DOT1L: variants seen among roughly 807,000 people sequenced by gnomAD.
DOT1L encodes histone-lysine N-methyltransferase, H3 lysine-79 specific.
A neutral mutation model predicts 153.3 loss-of-function variants in DOT1L; 33 were observed. That is an observed-to-expected ratio of 0.22 (90% confidence interval 0.16 to 0.29). DOT1L has a LOEUF of 0.29. DOT1L is among the 10% of genes least tolerant of loss of function. The pLI, the probability that DOT1L is intolerant of heterozygous loss-of-function variation, is 1.00. For missense variants in DOT1L, 1,847 were observed against 2,119.9 expected (o/e 0.87, Z 2.53); for synonymous variants, 1,135 against 965.1 (o/e 1.18, Z -3.26).
intron 27 of DOT1L, 81 bp from the exon 28 acceptor site, chr19:2,229,704 G>C: frequency 6.2e-7 from 1 of 1,609,112 alleles, no homozygotes. Flanking sequence ...GGAGGCCTCG[G>C]TCCCCAGCCT....
In DOT1L at chr19:2,207,468, C is replaced by T. The variant is rs1053362280; in HGVS notation, c.857-106C>T. On this transcript the variant is annotated intron_variant, in intron 10 of 27. Coordinates refer to ENST00000398665, the MANE Select transcript of DOT1L (RefSeq NM_032482.3). This position sits in a 1 kb window ranked among gnomAD's most constrained non-coding sequence, Gnocchi z 4.5. The stretch of plus-strand genomic sequence containing the variant: ...ACGCAGTGTGGGAGAAGAGGGAAGA[C>T]GCGCAGCTCAGGCTTCTGTCCCCAC... 36 of 905,498 alleles carry T rather than the reference C, an allele frequency of 4.0e-5. No homozygotes were observed. The highest frequency in any genetic ancestry group is 2.5e-4 in the East Asian group (10 of 39,226). 56.1% of individuals were successfully genotyped at this position (905,498 alleles called of 1,614,324 possible).
chr19:2,188,950 A>G (rs1234035807), intron 3 of DOT1L, among the ~76,000 whole-genome samples: 2 of 152,152 alleles, frequency 1.3e-5, no homozygotes, highest in Non-Finnish European at 2.9e-5. Flanking sequence ...CCTGGAGCAC[A>G]GGTGCCCCCT....
Position 2,223,135 on chromosome 19 carries a change from A to C in DOT1L, c.3391-146A>C, listed in dbSNP as rs571280086. The C allele has an allele frequency of 7.5e-4, 590 of 782,142 alleles. 2 individuals carry two copies. The African/African-American group carries it at 9.0e-3, about 12-fold the overall frequency. The allele number at this position is 782,142 out of a possible 1,614,324, so 48.5% of individuals were successfully genotyped here. On this transcript the variant is annotated intron_variant, in intron 24 of 27. Transcript: ENST00000398665. ...TGTGAGGACCAGGAAGAACCAGGAC[A>C]GGGGCTGTACTGGCCGCTGGGCAGG... is the stretch of plus-strand genomic sequence containing the variant.
intron 1 of DOT1L, among the ~76,000 whole-genome samples, chr19:2,176,803 C>A (rs1302474687): frequency 6.6e-6 from 1 of 152,224 alleles, no homozygotes; most frequent in East Asian, 1.9e-4. Flanking sequence ...GAGGCAGGGC[C>A]CTCTGTCAGA....
At chr19:2,189,495 G>A (rs1037800512) in intron 3 of DOT1L, among the ~76,000 whole-genome samples, 2 of 152,218 alleles carry the variant, frequency 1.3e-5, no homozygotes, top group African/African-American at 4.8e-5. Context: ...CTGCCTCAGG[G>A]CTCAGTGCTT....
At chr19:2,201,750 T>C (rs1209905488) in intron 8 of DOT1L, among the ~76,000 whole-genome samples, 1 of 152,226 alleles carries the variant, frequency 6.6e-6, no homozygotes, top group Non-Finnish European at 1.5e-5. Context: ...TGGCGTCCCG[T>C]TGACATCTGG....
intron 27 of DOT1L, chr19:2,228,962 G>A: frequency 3.0e-6 from 3 of 985,408 alleles, no homozygotes; most frequent in Non-Finnish European, 2.4e-6. Context: ...ATGGGTTCCC[G>A]GCGGGGTCGA....
chr19:2,165,345 G>T (rs776589828), intron 1 of DOT1L, among the ~76,000 whole-genome samples: 2 of 152,192 alleles, frequency 1.3e-5, no homozygotes, highest in Non-Finnish European at 2.9e-5. Flanking sequence ...GTCAGGACGC[G>T]GAGAGCGCTG....
Position 2,230,283 on chromosome 19 carries a change from AC to A in DOT1L, c.*493del, listed in dbSNP as rs1338239904. ...GGCTCCCCCGACGCGCTGCTCCCGTACCAAAGGCAGGCCCGTCGCCACCACA... is the reference window on the plus strand; with the variant it reads ...GGCTCCCCCGACGCGCTGCTCCCGTACAAAGGCAGGCCCGTCGCCACCACA... On this transcript the variant is annotated 3_prime_UTR_variant, in exon 28 of 28. Coordinates refer to ENST00000398665, the MANE Select transcript of DOT1L (RefSeq NM_032482.3). The A allele has an allele frequency of 2.4e-5, 10 of 420,348 alleles. No homozygotes were observed. The highest frequency in any genetic ancestry group is 3.8e-5 in the Non-Finnish European group (9 of 239,722). The allele number at this position is 420,348 out of a possible 1,614,324, so 26.0% of individuals were successfully genotyped here. A position where few individuals can be genotyped will look rare whatever the true frequency, so the allele number is the denominator to read the frequency against.
At chr19:2,227,422 G>C (rs1038487934) in intron 27 of DOT1L, 1 of 640,982 alleles carries the variant, frequency 1.6e-6, no homozygotes, top group African/African-American at 1.8e-5. Context: ...TCACCTGCTA[G>C]GTGTGGCCGC....
chr19:2,230,169 C>T lies in DOT1L; in HGVS notation c.*377C>T, dbSNP rs549121544. On this transcript the variant is annotated 3_prime_UTR_variant, in exon 28 of 28. Coordinates refer to ENST00000398665, the MANE Select transcript of DOT1L (RefSeq NM_032482.3). ...GCCACAGCCTGCCCCGGTGCTATCT[C>T]GTCCCCAGGCCCGCGCCTGCCTCCA... The T allele has an allele frequency of 3.8e-4, 183 of 484,826 alleles. No individual in the cohort carries two copies. Among genetic ancestry groups the T allele is most frequent in the Admixed American group, 1.5e-3 (40 of 26,240 alleles). 30.0% of individuals were successfully genotyped at this position (484,826 alleles called of 1,614,324 possible).
rs2024085879 is a variant in DOT1L at position 2,220,722 on chromosome 19, CCTGT to C, written c.2806+505_2806+508del. ...CTTTGGCTTTTGTTGACACTGCAGG[CCTGT>C]CTGTTGTGGAAGCCGCAGAGACAGC... On this transcript the variant is annotated intron_variant, in intron 23 of 27. Transcript: ENST00000398665. This position sits in a 1 kb window ranked among gnomAD's most constrained non-coding sequence, Gnocchi z 4.5. The C allele has an allele frequency of 2.8e-6, 1 of 356,966 alleles. No homozygotes were observed. The highest frequency in any genetic ancestry group is 2.1e-5 in the South Asian group (1 of 48,274). 22.1% of individuals were successfully genotyped at this position (356,966 alleles called of 1,614,324 possible).
Position 2,217,314 on chromosome 19 carries a change from C to T in DOT1L, c.2544+224C>T, listed in dbSNP as rs893460242. Among the ~76,000 whole-genome samples, 3 of 152,146 alleles carry T rather than the reference C, an allele frequency of 2.0e-5. No individual in the cohort carries two copies. The highest frequency in any genetic ancestry group is 2.0e-4 in the Admixed American group (3 of 15,282). On this transcript the variant is annotated intron_variant, in intron 21 of 27. Transcript: ENST00000398665. The surrounding 1 kb of genome is among the most constrained non-coding windows in gnomAD (Gnocchi z 7.3). Reference sequence around the variant, plus strand: ...GAGGACATGGGGTTTGTCAGGGTGTCCCTGATGCCTCTTAGTTCTCAGTGA... The same window carrying T: ...GAGGACATGGGGTTTGTCAGGGTGTTCCTGATGCCTCTTAGTTCTCAGTGA...
chr19:2,211,959 C>T, intron 16 of DOT1L, 117 bp downstream of exon 16: 1 of 862,228 alleles, frequency 1.2e-6, no homozygotes, highest in Non-Finnish European at 1.7e-6. Context: ...TGGGCTCCCT[C>T]CTCTGCTCAC....
rs740406 is a variant in DOT1L at position 2,232,222 on chromosome 19, A to G, written c.*2430A>G. 0.14 allele frequency: 29,773 copies of G among 219,894 alleles called. 3,204 individuals are homozygous for G. The highest frequency in any genetic ancestry group is 0.31 in the African/African-American group (13,892 of 44,304). The allele number at this position is 219,894 out of a possible 1,614,324, so 13.6% of individuals were successfully genotyped here. A position where few individuals can be genotyped will look rare whatever the true frequency, so the allele number is the denominator to read the frequency against. On this transcript the variant is annotated 3_prime_UTR_variant, in exon 28 of 28. Transcript: ENST00000398665. ...CTCAGGAATTGATAGGAACCCTAAAAACTAGGATACCCCCTCCTCGGCCCA... is the reference window on the plus strand; with the variant it reads ...CTCAGGAATTGATAGGAACCCTAAAGACTAGGATACCCCCTCCTCGGCCCA...
At chr19:2,223,667 G>A (rs967377451) in intron 25 of DOT1L, among the ~76,000 whole-genome samples, 181 bp downstream of exon 25, 1 of 152,160 alleles carries the variant, frequency 6.6e-6, no homozygotes, top group Non-Finnish European at 1.5e-5. Flanking sequence ...CCCGTTCCGG[G>A]CAGGGCCGGC....
In DOT1L at chr19:2,216,995, C is replaced by A. The variant is rs2023931403; in HGVS notation, c.2449C>A (p.Pro817Thr). 1 of 1,613,002 alleles carries A rather than the reference C, an allele frequency of 6.2e-7. No homozygotes were observed. The highest frequency in any genetic ancestry group is 8.5e-7 in the Non-Finnish European group (1 of 1,179,874). ...GGAGAACGGCCTTCCCTACCAGAGCCCCAGCGTGCCTGGCAGCATGAAGCT... is the reference window on the plus strand; with the variant it reads ...GGAGAACGGCCTTCCCTACCAGAGCACCAGCGTGCCTGGCAGCATGAAGCT... ...TKENGLPYQS[P>T]SVPGSMKLSP... Residue 817 changes from proline to threonine, a missense_variant, in exon 21 of 28, where the codon CCC (proline) becomes ACC (threonine). Around this residue, in one of 8 missense-constraint regions of DOT1L, gnomAD observed 281 missense variants for 263.6 expected, o/e 1.07. Transcript: ENST00000398665.
At chr19:2,221,480 C>T (rs1235652708) in intron 23 of DOT1L, 2 of 158,294 alleles carry the variant, frequency 1.3e-5, no homozygotes, top group Non-Finnish European at 2.8e-5. Context: ...CGCCCTTTGT[C>T]CCCGGGTGGT....
chr19:2,189,630 AG>A lies in DOT1L; in HGVS notation c.201-99del. On this transcript the variant is annotated intron_variant, in intron 3 of 27. Transcript: ENST00000398665. ...CCAGCTGGCTGGTGGCTGTCCAGGC[AG>A]GGACCACACCTTGGAGCCTGCCTTA... is the stretch of plus-strand genomic sequence containing the variant. The A allele has an allele frequency of 3.0e-6, 4 of 1,349,880 alleles. No individual in the cohort carries two copies. In the South Asian group the frequency reaches 3.7e-5, roughly 12 times the overall value. The allele number at this position is 1,349,880 out of a possible 1,614,324, so 83.6% of individuals were successfully genotyped here.
Sources: allele counts gnomAD v4.1 joint callset (sites outside exome capture counted in the v4.1 genomes callset), GRCh38; gene constraint gnomAD v4.1.1; regional missense constraint gnomAD v4.1.1; non-coding constraint Gnocchi (gnomAD v3.1); transcripts MANE v1.5; gene names NCBI Gene and HGNC (gene_info 2026-07-23, HGNC 2026-07-21).